The following IPO11 variants were observed in gnomAD, a reference collection of about 807,000 sequenced individuals.
IPO11 encodes the protein importin 11, also known as importin-11.
In IPO11, 66 loss-of-function variants were observed where a neutral mutation model predicts 143.2. The observed-to-expected ratio is 0.46, with a 90% CI of 0.38 to 0.57. The LOEUF (loss-of-function observed/expected upper bound fraction) is 0.57, where lower values mean the gene tolerates loss of function less well. Among genes scored for constraint, IPO11 ranks in the 20% least tolerant of loss-of-function variants. IPO11 has a pLI of 0.00. For missense variants in IPO11, 1,026 were observed against 1,141.0 expected (o/e 0.90, Z 1.45); for synonymous variants, 385 against 377.8 (o/e 1.02, Z -0.22).
intron 1 of IPO11, chr5:62,419,084 A>G (rs1433511709): frequency 6.4e-7 from 1 of 1,551,100 alleles, no homozygotes; most frequent in Non-Finnish European, 8.7e-7. Flanking sequence ...AAGCCTGTAC[A>G]GCATGTTACT....
chr5:62,503,437 A>G (rs1478474780), intron 16 of IPO11, among the ~76,000 whole-genome samples: 2 of 149,500 alleles, frequency 1.3e-5, no homozygotes, highest in East Asian at 3.9e-4. Flanking sequence ...AGTATCTATT[A>G]ATAGATTCTA....
intron 1 of IPO11, among the ~76,000 whole-genome samples, chr5:62,432,657 T>C (rs946833943): frequency 6.6e-6 from 1 of 152,222 alleles, no homozygotes; most frequent in Non-Finnish European, 1.5e-5. Context: ...TTTTTATAAT[T>C]TTCACCAGTT....
At chr5:62,511,700 T>C (rs1305854137) in intron 19 of IPO11, among the ~76,000 whole-genome samples, 3 of 152,202 alleles carry the variant, frequency 2.0e-5, no homozygotes, top group Non-Finnish European at 2.9e-5. Flanking sequence ...TTCAAGTAGA[T>C]AGTAGTGAAG....
At chr5:62,591,735 A>AT in intron 28 of IPO11, 63 bp downstream of exon 28, 5 of 1,082,612 alleles carry the variant, frequency 4.6e-6, no homozygotes, top group Non-Finnish European at 5.4e-6. Context: ...ATGCTGCATG[A>AT]TTTTTTTCAC....
At chr5:62,512,060 G>A (rs1257001163) in intron 19 of IPO11, among the ~76,000 whole-genome samples, 2 of 152,216 alleles carry the variant, frequency 1.3e-5, no homozygotes, top group African/African-American at 4.8e-5. Context: ...ATCTGGCTGG[G>A]CTATGGTGGA....
chr5:62,512,061 C>T (rs1201858649), intron 19 of IPO11, among the ~76,000 whole-genome samples: 2 of 152,226 alleles, frequency 1.3e-5, no homozygotes, highest in African/African-American at 4.8e-5. Context: ...TCTGGCTGGG[C>T]TATGGTGGAG....
chr5:62,575,331 A>T (rs920958990), intron 27 of IPO11, among the ~76,000 whole-genome samples: 7 of 152,118 alleles, frequency 4.6e-5, no homozygotes, highest in African/African-American at 1.7e-4. Context: ...AACTAGATAG[A>T]TGTTTTATAT....
At chr5:62,485,528 A>C (rs1188916972) in intron 12 of IPO11, 66 bp downstream of exon 12, 2 of 1,212,146 alleles carry the variant, frequency 1.6e-6, no homozygotes, top group Non-Finnish European at 2.4e-6. Context: ...CTTAGTAGAG[A>C]ATGACACTCT....
chr5:62,496,105 C>T (rs768123964), intron 16 of IPO11, among the ~76,000 whole-genome samples: 1 of 151,872 alleles, frequency 6.6e-6, no homozygotes, highest in Non-Finnish European at 1.5e-5. Context: ...CTGGCCAGCA[C>T]GATGAAACCC....
chr5:62,528,056 T>C (rs1347475814), intron 21 of IPO11, among the ~76,000 whole-genome samples: 1 of 152,216 alleles, frequency 6.6e-6, no homozygotes, highest in African/African-American at 2.4e-5. Context: ...ATTCAATGCC[T>C]GAGGATAATT....
chr5:62,592,114 T>C (rs1324373840), intron 28 of IPO11, among the ~76,000 whole-genome samples: 1 of 152,210 alleles, frequency 6.6e-6, no homozygotes, highest in Non-Finnish European at 1.5e-5. Context: ...CCTCCCAAAG[T>C]GCTGGGATTA....
At chr5:62,544,679 C>T (rs1241664784) in intron 24 of IPO11, among the ~76,000 whole-genome samples, 1 of 152,158 alleles carries the variant, frequency 6.6e-6, no homozygotes, top group East Asian at 1.9e-4. Flanking sequence ...TTGCAGATGA[C>T]ATGATTGTAT....
chr5:62,434,103 A>G (rs982114494), intron 1 of IPO11, among the ~76,000 whole-genome samples: 2 of 152,052 alleles, frequency 1.3e-5, no homozygotes, highest in Middle Eastern at 6.8e-3. Context: ...TTTTCTCACT[A>G]AGTGTCAGTC....
At chr5:62,429,974 GT>G (rs1328136843) in intron 1 of IPO11, among the ~76,000 whole-genome samples, 1 of 152,112 alleles carries the variant, frequency 6.6e-6, no homozygotes, top group African/African-American at 2.4e-5. Flanking sequence ...GGCCAAGCTG[GT>G]CTCGAACTCT....
At chr5:62,526,987 GAACT>G (rs1321120425) in intron 21 of IPO11, among the ~76,000 whole-genome samples, 4 of 152,006 alleles carry the variant, frequency 2.6e-5, no homozygotes, top group African/African-American at 9.7e-5. Context: ...CCTCCCTTTG[GAACT>G]AACTGTTTTT....
At chr5:62,430,718 G>A (rs1320391468) in intron 1 of IPO11, among the ~76,000 whole-genome samples, 3 of 145,390 alleles carry the variant, frequency 2.1e-5, no homozygotes, top group African/African-American at 5.1e-5. Flanking sequence ...TTGTTCTGTC[G>A]CGAGGCTGGA....
chr5:62,602,852 T>C (rs1174978953), intron 29 of IPO11, among the ~76,000 whole-genome samples: 1 of 152,232 alleles, frequency 6.6e-6, no homozygotes, highest in Non-Finnish European at 1.5e-5. Context: ...TTACTATTAC[T>C]TGTGACCTTG....
chr5:62,415,897 T>C (rs1253536719), intron 1 of IPO11, among the ~76,000 whole-genome samples: 2 of 152,234 alleles, frequency 1.3e-5, no homozygotes, highest in African/African-American at 4.8e-5. Flanking sequence ...TGTCCATCTC[T>C]AATGATATTC....
At chr5:62,443,369 G>A (rs1744568920) in intron 3 of IPO11, 2 of 254,662 alleles carry the variant, frequency 7.9e-6, no homozygotes, top group Middle Eastern at 1.2e-3. Flanking sequence ...TTTTCTTCAT[G>A]GTTTTCCATT....
Sources: gnomAD v4.1 joint callset for allele counts (sites outside exome capture counted in the v4.1 genomes callset) on GRCh38, gnomAD v4.1.1 for gene constraint, MANE v1.5 for transcripts, NCBI Gene and HGNC (gene_info 2026-07-23, HGNC 2026-07-21) for gene names.